NCAM1: variants seen among roughly 807,000 people sequenced by gnomAD.
NCAM1 encodes antigen recognized by monoclonal antibody 5.1H11.
In NCAM1, 14 loss-of-function variants were observed where a neutral mutation model predicts 109.8. The observed-to-expected ratio is 0.13, with a 90% CI of 0.08 to 0.20. The LOEUF is 0.20. Among genes scored for constraint, NCAM1 ranks in the 10% least tolerant of loss-of-function variants. The probability of loss-of-function intolerance (pLI) is 1.00; values close to 1 mark genes in which losing one functional copy is unlikely to be tolerated. For synonymous variants in NCAM1, 418 were observed against 442.9 expected, an observed-to-expected ratio of 0.94 and a Z score of 0.70; for missense variants, 774 against 1,109.9, an observed-to-expected ratio of 0.70 and a Z score of 4.30.
chr11:113,104,399 T>C, intron 1 of NCAM1, among the ~76,000 whole-genome samples: 1 of 151,872 alleles, frequency 6.6e-6, no homozygotes, highest in Non-Finnish European at 1.5e-5. Context: ...TTAGATGCAA[T>C]AATTTAGTTC....
intron 1 of NCAM1, among the ~76,000 whole-genome samples, chr11:113,183,434 G>A (rs957376897): frequency 3.9e-5 from 6 of 152,196 alleles, no homozygotes; most frequent in South Asian, 2.1e-4. Flanking sequence ...ATTCACCTTA[G>A]GAAATACACG....
chr11:113,051,646 C>T (rs1443718519), intron 1 of NCAM1, among the ~76,000 whole-genome samples: 5 of 152,030 alleles, frequency 3.3e-5, no homozygotes, highest in African/African-American at 1.2e-4. Flanking sequence ...TATTTTGTAA[C>T]ATTTTGCTCA....
At chr11:113,133,016 A>G (rs1941459571) in intron 1 of NCAM1, 1 of 152,230 alleles carries the variant, frequency 6.6e-6, no homozygotes, top group Non-Finnish European at 1.5e-5. Flanking sequence ...AGAAGGTATT[A>G]CAAGAAGAGG....
intron 1 of NCAM1, among the ~76,000 whole-genome samples, chr11:113,077,185 C>T (rs1938564414): frequency 6.6e-6 from 1 of 152,144 alleles, no homozygotes; most frequent in South Asian, 2.1e-4. Context: ...AATGACAAAA[C>T]TGCATGATTA....
rs66821824 is a variant in NCAM1 at position 113,071,421 on chromosome 11, ATTTTT to A, written c.52+109775_52+109779del. ...TTTGGAATTTGCCATTGTTGGTTGG[ATTTTT>A]TTTTTTTTTTTTTTTTTGATACGGA... On this transcript the variant is annotated intron_variant, in intron 1 of 19. Transcript: ENST00000316851. Among the ~76,000 whole-genome samples, 153 of 127,632 alleles carry A rather than the reference ATTTTT, an allele frequency of 1.2e-3. 2 individuals carry two copies. Among genetic ancestry groups the A allele is most frequent in the Admixed American group, 2.9e-3 (35 of 12,122 alleles). 83.7% of individuals were successfully genotyped at this position (127,632 alleles called of 152,430 possible).
chr11:113,141,325 G>C (rs1437898956), intron 1 of NCAM1, among the ~76,000 whole-genome samples: 3 of 152,128 alleles, frequency 2.0e-5, no homozygotes, highest in African/African-American at 7.2e-5. Context: ...CTGTGAGTCA[G>C]GGCATTTAAA....
At position 112,991,456 on chromosome 11, in the gene NCAM1, T is replaced by C. The variant is rs561706643; in HGVS notation, c.52+29792T>C. 7.9e-5 allele frequency among the ~76,000 whole-genome samples: 12 copies of C among 152,108 alleles called. No individual in the cohort carries two copies. The South Asian group carries it at 2.5e-3, about 32-fold the overall frequency. On this transcript the variant is annotated intron_variant, in intron 1 of 19. Coordinates refer to ENST00000316851, the MANE Select transcript of NCAM1 (RefSeq NM_181351.5). The stretch of plus-strand genomic sequence containing the variant: ...TGTTAATGGCTATGAACTGATTACA[T>C]CCACTAAGTGATTTTTTGCTGTTAA...
intron 9 of NCAM1, 56 bp downstream of exon 9, chr11:113,221,381 C>G: frequency 6.6e-7 from 1 of 1,521,778 alleles, no homozygotes; most frequent in East Asian, 2.4e-5. Flanking sequence ...TACAGTTTAA[C>G]TCACCATTGC....
intron 1 of NCAM1, among the ~76,000 whole-genome samples, chr11:113,099,273 C>G (rs1263730189): frequency 6.6e-6 from 1 of 152,012 alleles, no homozygotes; most frequent in African/African-American, 2.4e-5. Context: ...ATAGATAAGA[C>G]CTTAGAGAAA....
chr11:113,225,289 C>G (rs782583557), intron 9 of NCAM1, among the ~76,000 whole-genome samples: 1 of 152,172 alleles, frequency 6.6e-6, no homozygotes, highest in Non-Finnish European at 1.5e-5. Context: ...GATGAATGCA[C>G]AAGCCTCACT....
At chr11:113,005,305 C>T (rs1346040902) in intron 1 of NCAM1, among the ~76,000 whole-genome samples, 1 of 152,176 alleles carries the variant, frequency 6.6e-6, no homozygotes, top group Non-Finnish European at 1.5e-5. Context: ...CAAAAAGCCA[C>T]AGAGACCCTA....
At chr11:113,012,943 T>C (rs1268262132) in intron 1 of NCAM1, among the ~76,000 whole-genome samples, 1 of 152,174 alleles carries the variant, frequency 6.6e-6, no homozygotes, top group Non-Finnish European at 1.5e-5. Flanking sequence ...AGGATAATGA[T>C]GTCTACAACA....
chr11:113,168,003 ACTGGATT>A (rs1942863375), intron 1 of NCAM1, among the ~76,000 whole-genome samples: 1 of 152,180 alleles, frequency 6.6e-6, no homozygotes, highest in African/African-American at 2.4e-5. Flanking sequence ...TTAGGGTGTG[ACTGGATT>A]CTGAAGCCAG....
intron 1 of NCAM1, among the ~76,000 whole-genome samples, chr11:113,103,746 C>CA (rs1371834360): frequency 6.6e-6 from 1 of 152,044 alleles, no homozygotes; most frequent in Non-Finnish European, 1.5e-5. Context: ...CTTTGCAGGC[C>CA]ATATGGTCTC....
chr11:113,149,406 A>G (rs1942143616), intron 1 of NCAM1, among the ~76,000 whole-genome samples: 1 of 152,206 alleles, frequency 6.6e-6, no homozygotes, highest in African/African-American at 2.4e-5. Flanking sequence ...CATTATAATA[A>G]TCCAAATAAG....
chr11:113,147,699 A>G (rs567275690), intron 1 of NCAM1, among the ~76,000 whole-genome samples: 16 of 152,360 alleles, frequency 1.1e-4, no homozygotes, highest in Admixed American at 4.6e-4. Flanking sequence ...GCCAGATAGG[A>G]CATATCATTT....
chr11:113,176,545 TCTG>T (rs1943147538), intron 1 of NCAM1, among the ~76,000 whole-genome samples: 1 of 152,164 alleles, frequency 6.6e-6, no homozygotes, highest in South Asian at 2.1e-4. Context: ...TGAAAAACCA[TCTG>T]GTCTACTCTG....
At chr11:113,038,104 A>G (rs1362268028) in intron 1 of NCAM1, among the ~76,000 whole-genome samples, 1 of 152,148 alleles carries the variant, frequency 6.6e-6, no homozygotes, top group African/African-American at 2.4e-5. Context: ...CTCCATCTGA[A>G]GTCTGCACCA....
At chr11:113,173,638 G>T (rs1272786289) in intron 1 of NCAM1, among the ~76,000 whole-genome samples, 1 of 128,480 alleles carries the variant, frequency 7.8e-6, no homozygotes, top group Non-Finnish European at 1.7e-5. Flanking sequence ...TTTAGAGGGT[G>T]CAGGGTATGT....
Sources: allele counts gnomAD v4.1 joint callset (sites outside exome capture counted in the v4.1 genomes callset), GRCh38; gene constraint gnomAD v4.1.1; transcripts MANE v1.5; gene names NCBI Gene and HGNC (gene_info 2026-07-23, HGNC 2026-07-21).